PRKDC: variants seen among roughly 807,000 people sequenced by gnomAD.
The protein encoded by PRKDC is protein kinase, DNA-activated, catalytic subunit.
A neutral mutation model predicts 486.9 loss-of-function variants in PRKDC; 82 were observed. That is an observed-to-expected ratio of 0.17 (90% CI 0.14 to 0.20). The LOEUF is 0.20. Ranked by LOEUF, PRKDC falls within the 10% of genes least tolerant of loss-of-function variation. The pLI, the probability that PRKDC is intolerant of heterozygous loss-of-function variation, is 1.00. For missense variants in PRKDC, 4,504 were observed against 5,038.2 expected, an observed-to-expected ratio of 0.89 and a Z score of 3.21; for synonymous variants, 1,895 against 1,837.0, an observed-to-expected ratio of 1.03 and a Z score of -0.81.
At chr8:47,956,536 A>C (rs1477660433) in intron 3 of PRKDC, among the ~76,000 whole-genome samples, 2 of 151,656 alleles carry the variant, frequency 1.3e-5, no homozygotes, top group African/African-American at 4.8e-5. Flanking sequence ...CTCTACAAAA[A>C]AAAAAAAAAA....
chr8:47,801,820 A>G (rs1250828898), intron 70 of PRKDC, among the ~76,000 whole-genome samples: 1 of 152,196 alleles, frequency 6.6e-6, no homozygotes, highest in Non-Finnish European at 1.5e-5. Context: ...TGAAACTAGG[A>G]GGCCTGATCA....
At chr8:47,818,329 C>T (rs559316812) in intron 67 of PRKDC, among the ~76,000 whole-genome samples, 11 of 151,994 alleles carry the variant, frequency 7.2e-5, no homozygotes, top group Non-Finnish European at 1.2e-4. Flanking sequence ...GCCTGTACCC[C>T]AGCACTTTGG....
intron 19 of PRKDC, among the ~76,000 whole-genome samples, chr8:47,928,245 T>A (rs1435749930): frequency 6.8e-6 from 1 of 146,724 alleles, no homozygotes; most frequent in East Asian, 2.2e-4. Flanking sequence ...ACCTCTGCCA[T>A]CCTTCAAGCG....
chr8:47,839,074 TG>T, intron 56 of PRKDC, 73 bp downstream of exon 56: 2 of 1,176,452 alleles, frequency 1.7e-6, no homozygotes, highest in South Asian at 2.7e-5. Context: ...CTAAAACTCC[TG>T]AAAAATACTC....
intron 56 of PRKDC, 38 bp downstream of exon 56, chr8:47,839,110 C>CT: frequency 1.3e-6 from 2 of 1,491,624 alleles, no homozygotes; most frequent in South Asian, 1.1e-5. Context: ...AAGCAATACC[C>CT]TTAACATTTA....
At chr8:47,893,079 C>T in intron 31 of PRKDC, 60 bp downstream of exon 31, 1 of 1,476,140 alleles carries the variant, frequency 6.8e-7, no homozygotes, top group Non-Finnish European at 9.1e-7. Context: ...CTGGCAGAGC[C>T]ACTGCCCAGG....
intron 61 of PRKDC, 48 bp downstream of exon 61, chr8:47,830,557 G>T: frequency 1.2e-6 from 2 of 1,600,866 alleles, no homozygotes; most frequent in South Asian, 1.1e-5. Context: ...CCCTGAACTG[G>T]AAACAGATTT....
chr8:47,795,545 T>G (rs920239384), intron 73 of PRKDC, among the ~76,000 whole-genome samples: 5 of 142,710 alleles, frequency 3.5e-5, no homozygotes, highest in African/African-American at 1.3e-4. Flanking sequence ...CAGGCTGGAG[T>G]GCTGTGGCGT....
chr8:47,823,744 A>G lies in PRKDC; in HGVS notation c.8922+114T>C, dbSNP rs558232392. ...TTTCTTCCTCATCAACATTGTAACG[A>G]AAAGACATTGAACCAACAAGGATCT... On this transcript the variant is annotated intron_variant, in intron 64 of 85. Transcript: ENST00000314191. 6.2e-6 allele frequency: 8 copies of G among 1,283,554 alleles called. No individual in the cohort carries two copies. In the South Asian group the frequency reaches 8.3e-5, roughly 13 times the overall value. The allele number at this position is 1,283,554 out of a possible 1,614,324, so 79.5% of individuals were successfully genotyped here. A position where few individuals can be genotyped will look rare whatever the true frequency, so the allele number is the denominator to read the frequency against.
At chr8:47,957,796 G>A (rs1292135216) in intron 1 of PRKDC, among the ~76,000 whole-genome samples, 1 of 152,140 alleles carries the variant, frequency 6.6e-6, no homozygotes, top group African/African-American at 2.4e-5. Context: ...TTACAGGCGT[G>A]AGCCACCGCG....
chr8:47,806,991 C>A (rs879929227), intron 69 of PRKDC, 146 bp downstream of exon 69: 3 of 798,622 alleles, frequency 3.8e-6, no homozygotes, highest in Non-Finnish European at 3.6e-6. Context: ...CCACTGCACC[C>A]GGCCAAGTTT....
At chr8:47,932,198 C>T (rs1246885263) in intron 16 of PRKDC, among the ~76,000 whole-genome samples, 1 of 152,234 alleles carries the variant, frequency 6.6e-6, no homozygotes, top group East Asian at 1.9e-4. Context: ...ATTCTCCTGC[C>T]TCAGCCTCCC....
chr8:47,890,316 C>T lies in PRKDC; in HGVS notation c.4012G>A (p.Val1338Met). The T allele has an allele frequency of 6.2e-7, 1 of 1,613,310 alleles. No individual in the cohort carries two copies. The change falls in exon 32 of 86, where the codon GTG (valine) becomes ATG (methionine). Residue 1338 changes from valine to methionine, a missense_variant. Val to Met is a conservative substitution (Grantham distance 21). This residue lies in a region of PRKDC where 1,969 missense variants were observed against 2,068.9 expected (regional missense o/e 0.95). Coordinates refer to ENST00000314191, the MANE Select transcript of PRKDC (RefSeq NM_006904.7). ...ERYNYSKCTV[V>M]VRIMEFTTTL... ...GTGGTAAACTCCATAATCCGGACCACAACGGTGCATTTGCTGTAGTTGTAC... is the reference window on the plus strand; with the variant it reads ...GTGGTAAACTCCATAATCCGGACCATAACGGTGCATTTGCTGTAGTTGTAC...
intron 10 of PRKDC, among the ~76,000 whole-genome samples, chr8:47,942,223 C>A (rs1005669183): frequency 1.2e-4 from 18 of 152,194 alleles, no homozygotes; most frequent in African/African-American, 4.1e-4. Flanking sequence ...ATTTTTATTT[C>A]CCTTAGCAAG....
rs751535581 is a variant in PRKDC at position 47,834,179 on chromosome 8, T to C, written c.8152+17A>G. ...AGTGGGGAAGCTATTTTAAGCACAC[T>C]CAGCAACCCAGCTTACCTTTCACTT... On this transcript the variant is annotated intron_variant, in intron 59 of 85. Transcript: ENST00000314191. 1 of 1,614,002 alleles carries C rather than the reference T, an allele frequency of 6.2e-7. No individual in the cohort carries two copies. The highest frequency in any genetic ancestry group is 1.1e-5 in the South Asian group (1 of 91,086).
intron 14 of PRKDC, among the ~76,000 whole-genome samples, chr8:47,934,633 C>A (rs993937510): frequency 2.0e-5 from 3 of 152,232 alleles, no homozygotes; most frequent in African/African-American, 7.2e-5. Flanking sequence ...ACAATATCCA[C>A]TGAATGTGCT....
At chr8:47,824,468 CAAAAAAAAAAAA>C (rs11369602) in intron 63 of PRKDC, among the ~76,000 whole-genome samples, 8 of 37,702 alleles carry the variant, frequency 2.1e-4, no homozygotes, top group African/African-American at 6.6e-4. Flanking sequence ...GACTCCGCCT[CAAAAAAAAAAAA>C]AAAAAAAAAA....
chr8:47,929,925 C>T lies in PRKDC; in HGVS notation c.1980G>A (p.Leu660=), dbSNP rs55775436. ...ATTTGTAGAAACCACTGATGAGGGG[C>T]AACCTTGTAGATTGCAAAATTAATT... ...SYELILQSTR[L]PLISGFYKLL... Residue 660 remains leucine (L), a synonymous_variant, in exon 18 of 86, where the codon TTG becomes TTA. Coordinates refer to ENST00000314191, the MANE Select transcript of PRKDC (RefSeq NM_006904.7). 3.1e-5 allele frequency: 50 copies of T among 1,609,218 alleles called. No individual in the cohort carries two copies. The East Asian group carries it at 1.1e-3, about 35-fold the overall frequency.
chr8:47,800,902 A>G lies in PRKDC; in HGVS notation c.10007T>C (p.Ile3336Thr), dbSNP rs375256532. ...QNILLGTTYR[I>T]IANALSSEPA... ...CTCACTGCTGAGAGCATTCGCTATG[A>G]TCCTGTAAGTTGTACCCAAGAGAAT... Residue 3336 changes from isoleucine to threonine, a missense_variant, in exon 71 of 86, where the codon ATC (isoleucine) becomes ACC (threonine). Ile to Thr is a moderately conservative substitution (Grantham distance 89, BLOSUM62 -1). Coordinates refer to ENST00000314191, the MANE Select transcript of PRKDC (RefSeq NM_006904.7). The G allele has an allele frequency of 6.2e-7, 1 of 1,613,932 alleles. No individual in the cohort carries two copies. The highest frequency in any genetic ancestry group is 2.2e-5 in the East Asian group (1 of 44,878).
Sources: gnomAD v4.1 joint callset for allele counts (sites outside exome capture counted in the v4.1 genomes callset) on GRCh38, gnomAD v4.1.1 for gene constraint, gnomAD v4.1.1 regional missense constraint, MANE v1.5 for transcripts, NCBI Gene and HGNC (gene_info 2026-07-23, HGNC 2026-07-21) for gene names.